MRS2: variants seen among roughly 807,000 people sequenced by gnomAD.
MRS2 encodes the protein magnesium transporter MRS2 homolog, mitochondrial.
MRS2 carries 40 observed loss-of-function variants against 52.6 expected under a neutral mutation model. The ratio of observed to expected loss-of-function variants is 0.76; its 90% confidence interval spans 0.59 to 0.99. The LOEUF (loss-of-function observed/expected upper bound fraction) is 0.99. Among genes scored for constraint, MRS2 ranks in the 50% least tolerant of loss-of-function variants. The probability of loss-of-function intolerance (pLI) is 0.00; values close to 1 mark genes in which losing one functional copy is unlikely to be tolerated. For missense variants in MRS2, 472 were observed against 532.7 expected (o/e 0.89, Z 1.12); for synonymous variants, 193 against 195.9 (o/e 0.98, Z 0.13).
chr6:24,422,843 C>T (rs915851356), intron 9 of MRS2, 94 bp from the exon 10 acceptor site: 2 of 802,912 alleles, frequency 2.5e-6, no homozygotes, highest in Non-Finnish European at 4.1e-6. Context: ...GTACAAATAA[C>T]ATAAGGCTTT....
At chr6:24,411,021 T>C (rs189730382) in intron 4 of MRS2, among the ~76,000 whole-genome samples, 8 of 152,008 alleles carry the variant, frequency 5.3e-5, no homozygotes, top group Admixed American at 4.6e-4. Context: ...AAACCCCGTC[T>C]CTACTAAAAA....
chr6:24,424,371 T>C lies in MRS2; in HGVS notation c.*677T>C, dbSNP rs1762158013. The C allele has an allele frequency of 6.6e-6, 1 of 152,216 alleles. No individual in the cohort carries two copies. Among genetic ancestry groups the C allele is most frequent in the African/African-American group, 2.4e-5 (1 of 41,458 alleles). 9.4% of individuals were successfully genotyped at this position (152,216 alleles called of 1,614,324 possible). Reference sequence around the variant, plus strand: ...GGAAGCAAAGTTGAAAGGAAGTATTTCCATTCTGTTACTGTTTTGTAGCAC... The same window carrying C: ...GGAAGCAAAGTTGAAAGGAAGTATTCCCATTCTGTTACTGTTTTGTAGCAC... On this transcript the variant is annotated 3_prime_UTR_variant, in exon 11 of 11. Coordinates refer to ENST00000378386, the MANE Select transcript of MRS2 (RefSeq NM_020662.4).
chr6:24,423,626 A>G lies in MRS2; in HGVS notation c.1264A>G (p.Met422Val). ...PKKTLLADRS[M>V]ELKNSLRLDG... ...AAAGACTCTTCTGGCAGATAGAAGCATGGAATTGAAAAATAGCCTCAGACT... is the reference window on the plus strand; with the variant it reads ...AAAGACTCTTCTGGCAGATAGAAGCGTGGAATTGAAAAATAGCCTCAGACT... The change falls in exon 11 of 11, where the codon ATG becomes GTG. Residue 422 changes from methionine (M) to valine (V), a missense_variant. Met to Val is a conservative substitution (Grantham distance 21). Transcript: ENST00000378386. The G allele has an allele frequency of 6.2e-7, 1 of 1,612,552 alleles. No homozygotes were observed. The highest frequency in any genetic ancestry group is 1.1e-5 in the South Asian group (1 of 91,016).
chr6:24,423,320 A>G (rs957489448), intron 10 of MRS2: 16 of 472,966 alleles, frequency 3.4e-5, no homozygotes, highest in South Asian at 3.7e-5. Flanking sequence ...CTCTGACAAC[A>G]TACATTTAAA....
At position 24,410,693 on chromosome 6, in the gene MRS2, A is replaced by C. The variant is rs1039918924; in HGVS notation, c.414+1120A>C. The C allele has an allele frequency of 1.7e-5, 25 of 1,448,634 alleles. 1 individual carries two copies. The Admixed American group carries it at 5.6e-4, about 32-fold the overall frequency. The allele number at this position is 1,448,634 out of a possible 1,614,324, so 89.7% of individuals were successfully genotyped here. On this transcript the variant is annotated intron_variant, in intron 4 of 10. Transcript: ENST00000378386. The stretch of plus-strand genomic sequence containing the variant: ...GTAAATAAAAAATACTTTATCAAAA[A>C]TGAAGCAGTCTTCTCCCATGTGATT...
intron 2 of MRS2, among the ~76,000 whole-genome samples, chr6:24,408,081 G>A (rs573889121): frequency 6.6e-6 from 1 of 152,274 alleles, no homozygotes; most frequent in African/African-American, 2.4e-5. Context: ...GTCCAGTGCA[G>A]TCTACCAGTC....
chr6:24,422,505 T>G (rs759659201), intron 9 of MRS2, among the ~76,000 whole-genome samples: 15 of 152,172 alleles, frequency 9.9e-5, no homozygotes, highest in Non-Finnish European at 1.8e-4. Context: ...TTTATTATGT[T>G]ACAGATTCCT....
intron 9 of MRS2, among the ~76,000 whole-genome samples, chr6:24,420,088 A>G (rs377319112): frequency 6.6e-6 from 1 of 152,212 alleles, no homozygotes; most frequent in South Asian, 2.1e-4. Flanking sequence ...GCTTTTGATT[A>G]GCCTTAGGAT....
chr6:24,424,313 T>G lies in MRS2; in HGVS notation c.*619T>G, dbSNP rs938383936. 13 of 151,414 alleles carry G rather than the reference T, an allele frequency of 8.6e-5. No homozygotes were observed. The highest frequency in any genetic ancestry group is 3.2e-4 in the African/African-American group (13 of 40,676). The allele number at this position is 151,414 out of a possible 1,614,324, so 9.4% of individuals were successfully genotyped here. A position where few individuals can be genotyped will look rare whatever the true frequency, so the allele number is the denominator to read the frequency against. On this transcript the variant is annotated 3_prime_UTR_variant, in exon 11 of 11. Transcript: ENST00000378386. ...ATTTCACGTTCTCAGCCCCTGAGACTAGTTTTCTTTGCTCTCTGTAATTAG... is the reference window on the plus strand; with the variant it reads ...ATTTCACGTTCTCAGCCCCTGAGACGAGTTTTCTTTGCTCTCTGTAATTAG...
At chr6:24,403,437 G>A (rs1416362516) in intron 1 of MRS2, among the ~76,000 whole-genome samples, 3 of 152,210 alleles carry the variant, frequency 2.0e-5, no homozygotes, top group Non-Finnish European at 4.4e-5. Context: ...TATGTGCGCT[G>A]TGCCCTGCCG....
intron 9 of MRS2, among the ~76,000 whole-genome samples, chr6:24,422,088 T>G (rs77387973): frequency 0.12 from 18,673 of 152,156 alleles, 1,481 homozygotes; most frequent in East Asian, 0.16. Context: ...AGACGGAGGT[T>G]GCAGTGAGCC....
chr6:24,403,159 C>T lies in MRS2; in HGVS notation c.113C>T (p.Ala38Val). ...ACCTCTGTGGGTCCTCCCGTTGCTG[C>T]CTGCGGCCGCCGAGCCAACCTGATT... ...DVTSVGPPVAACGRRANLIGR... is the reference protein window; with the variant it reads ...DVTSVGPPVAVCGRRANLIGR... The change falls in exon 1 of 11, where the codon GCC becomes GTC. Residue 38 changes from alanine (A) to valine (V), a missense_variant. Physicochemically the swap from Ala to Val is moderately conservative, Grantham distance 64. Coordinates refer to ENST00000378386, the MANE Select transcript of MRS2 (RefSeq NM_020662.4). 1.2e-6 allele frequency: 2 copies of T among 1,609,340 alleles called. No individual in the cohort carries two copies. The highest frequency in any genetic ancestry group is 8.5e-7 in the Non-Finnish European group (1 of 1,179,878).
intron 2 of MRS2, among the ~76,000 whole-genome samples, chr6:24,405,844 G>A (rs902438464): frequency 8.9e-5 from 13 of 145,310 alleles, no homozygotes; most frequent in African/African-American, 2.3e-4. Context: ...GGTGGCTCAC[G>A]CCTGTAATTC....
intron 1 of MRS2, 51 bp from the exon 2 acceptor site, chr6:24,405,117 A>G (rs372200953): frequency 1.2e-5 from 16 of 1,324,900 alleles, no homozygotes; most frequent in South Asian, 7.0e-5. Flanking sequence ...TTTTAGCTCT[A>G]TGTGAAAACC....
In MRS2 at chr6:24,418,136, G is replaced by C. The variant is rs781343643; in HGVS notation, c.889G>C (p.Glu297Gln). The change falls in exon 8 of 11, where the codon GAA becomes CAA. Residue 297 changes from glutamate to glutamine, a missense_variant. Transcript: ENST00000378386. ...DHAEEMELLL[E>Q]NYYRLADDLS... ...TGCAGAAGAGATGGAGTTGCTGTTG[G>C]AAAACTACTACCGATTGGCTGACGA... 1.4e-5 allele frequency: 23 copies of C among 1,613,640 alleles called. No individual in the cohort carries two copies. The highest frequency in any genetic ancestry group is 8.5e-7 in the Non-Finnish European group (1 of 1,179,838).
At chr6:24,413,803 C>G (rs1761746767) in intron 5 of MRS2, among the ~76,000 whole-genome samples, 1 of 152,226 alleles carries the variant, frequency 6.6e-6, no homozygotes, top group East Asian at 1.9e-4. Flanking sequence ...TTTACGTCAT[C>G]AGTTTTACCG....
In MRS2 at chr6:24,406,602, C is replaced by A. The variant is rs577523370; in HGVS notation, c.264+1361C>A. On this transcript the variant is annotated intron_variant, in intron 2 of 10. Coordinates refer to ENST00000378386, the MANE Select transcript of MRS2 (RefSeq NM_020662.4). Reference sequence around the variant, plus strand: ...CAGCCTGACCAACATGGTGAAACCCCGTCTCTACTAAAAAACAAAAAAATT... The same window carrying A: ...CAGCCTGACCAACATGGTGAAACCCAGTCTCTACTAAAAAACAAAAAAATT... 3.3e-5 allele frequency among the ~76,000 whole-genome samples: 5 copies of A among 152,104 alleles called. No homozygotes were observed. In the South Asian group the frequency reaches 8.3e-4, roughly 25 times the overall value.
Position 24,425,130 on chromosome 6 carries a change from A to C in MRS2, c.*1436A>C, listed in dbSNP as rs1762188127. The C allele has an allele frequency of 6.6e-6, 1 of 152,216 alleles. No homozygotes were observed. Among genetic ancestry groups the C allele is most frequent in the Non-Finnish European group, 1.5e-5 (1 of 68,036 alleles). 9.4% of individuals were successfully genotyped at this position (152,216 alleles called of 1,614,324 possible). On this transcript the variant is annotated 3_prime_UTR_variant, in exon 11 of 11. Transcript: ENST00000378386. ...CACCCTCTAGCATTACGAATCTCTT[A>C]GGATTTTTAAGATTGTATTTGATAA...
chr6:24,421,719 C>G (rs1305456823), intron 9 of MRS2, among the ~76,000 whole-genome samples: 1 of 152,206 alleles, frequency 6.6e-6, no homozygotes, highest in Admixed American at 6.5e-5. Flanking sequence ...ACATGGACAT[C>G]CTCTTACATA....
Sources: gnomAD v4.1 joint callset for allele counts (sites outside exome capture counted in the v4.1 genomes callset) on GRCh38, gnomAD v4.1.1 for gene constraint, MANE v1.5 for transcripts, NCBI Gene and HGNC (gene_info 2026-07-23, HGNC 2026-07-21) for gene names.